Variants in HCK observed in about 807,000 individuals in gnomAD.
HCK encodes tyrosine-protein kinase HCK.
In HCK, 40 loss-of-function variants were observed where a neutral mutation model predicts 70.4. The observed-to-expected ratio is 0.57, with a 90% CI of 0.44 to 0.74. The LOEUF is 0.74. HCK is among the 30% of genes least tolerant of loss of function. The probability of loss-of-function intolerance (pLI) is 0.00; values close to 1 mark genes in which losing one functional copy is unlikely to be tolerated. For synonymous variants in HCK, 245 were observed against 263.2 expected (o/e 0.93, Z 0.67); for missense variants, 568 against 697.2 (o/e 0.81, Z 2.09).
chr20:32,055,395 G>A (rs1342521103), intron 1 of HCK, among the ~76,000 whole-genome samples: 1 of 152,136 alleles, frequency 6.6e-6, no homozygotes, highest in Non-Finnish European at 1.5e-5. Flanking sequence ...CCTTTTGAGG[G>A]AACAATAACC....
Position 32,094,379 on chromosome 20 carries a change from T to C in HCK, c.1246+363T>C, listed in dbSNP as rs560560151. On this transcript the variant is annotated intron_variant, in intron 11 of 12. Coordinates refer to ENST00000375852, the MANE Select transcript of HCK (RefSeq NM_002110.5). The stretch of plus-strand genomic sequence containing the variant: ...ATTCACACAATATAATACCACGCAG[T>C]GATGAAAAAGCACAAACTGGCCAGG... Among the ~76,000 whole-genome samples the C allele has an allele frequency of 3.9e-5, 6 of 152,042 alleles. No homozygotes were observed. In the South Asian group the frequency reaches 1.2e-3, roughly 32 times the overall value.
chr20:32,068,318 T>C (rs1349056342), intron 1 of HCK, among the ~76,000 whole-genome samples: 1 of 135,376 alleles, frequency 7.4e-6, no homozygotes, highest in Non-Finnish European at 1.6e-5. Context: ...AATAAGTAAA[T>C]GAAAATTAAA....
chr20:32,057,430 T>C (rs2045289402), intron 1 of HCK, among the ~76,000 whole-genome samples: 1 of 152,136 alleles, frequency 6.6e-6, no homozygotes, highest in African/African-American at 2.4e-5. Flanking sequence ...CAAAACCCTG[T>C]CTCTACAAAA....
chr20:32,079,720 C>A, intron 5 of HCK, 54 bp from the exon 6 acceptor site: 2 of 1,239,378 alleles, frequency 1.6e-6, no homozygotes, highest in Non-Finnish European at 1.2e-6. Context: ...CTGTGTAGGC[C>A]GGACAGGACT....
At chr20:32,063,547 T>C (rs1038480011) in intron 1 of HCK, among the ~76,000 whole-genome samples, 6 of 151,858 alleles carry the variant, frequency 4.0e-5, no homozygotes, top group Admixed American at 3.3e-4. Context: ...CTGCACCCAG[T>C]CTCTATAACC....
At chr20:32,094,717 GAAAGAAAGA>G in intron 11 of HCK, among the ~76,000 whole-genome samples, 1 of 76,684 alleles carries the variant, frequency 1.3e-5, no homozygotes, top group African/African-American at 4.2e-5. Flanking sequence ...AAGAAAGAAA[GAAAGAAAGA>G]AAGAAAGAAA....
chr20:32,072,534 C>G (rs1218611932), intron 2 of HCK: 1 of 136,544 alleles, frequency 7.3e-6, no homozygotes, highest in Non-Finnish European at 1.5e-5. Context: ...GCACTCCAGC[C>G]TGGGCAATAC....
Position 32,101,341 on chromosome 20 carries a change from G to T in HCK, c.1403G>T (p.Arg468Leu). ...GGGATGTCAAACCCTGAAGTGATCC[G>T]AGCTCTGGAGCGTGGATACCGGATG... is the stretch of plus-strand genomic sequence containing the variant. Residue 468 changes from arginine (R) to leucine (L), a missense_variant, in exon 13 of 13, where the codon CGA becomes CTA. Coordinates refer to ENST00000375852, the MANE Select transcript of HCK (RefSeq NM_002110.5). 6.2e-7 allele frequency: 1 copy of T among 1,614,144 alleles called. No individual in the cohort carries two copies. Among genetic ancestry groups the T allele is most frequent in the Non-Finnish European group, 8.5e-7 (1 of 1,180,016 alleles).
chr20:32,062,391 T>G (rs2045393152), intron 1 of HCK, among the ~76,000 whole-genome samples: 1 of 152,226 alleles, frequency 6.6e-6, no homozygotes, highest in African/African-American at 2.4e-5. Context: ...AGGTTCACAG[T>G]TGCTCTGGAA....
intron 12 of HCK, 47 bp downstream of exon 12, chr20:32,099,182 G>A (rs1444761501): frequency 1.3e-6 from 2 of 1,592,506 alleles, no homozygotes; most frequent in South Asian, 2.2e-5. Context: ...GCCCAGTCTG[G>A]CAATGGGCTC....
In HCK at chr20:32,088,592, G is replaced by C; in HGVS notation, c.1040G>C (p.Ser347Thr). ...GGAAGCTTGCTGGACTTTCTGAAAA[G>C]TGATGAGGGCAGCAAGCAGCCATTG... The change falls in exon 10 of 13, where the codon AGT becomes ACT. Residue 347 changes from serine (S) to threonine (T), a missense_variant. Ser to Thr is a moderately conservative substitution (Grantham distance 58). Transcript: ENST00000375852. 6.2e-7 allele frequency: 1 copy of C among 1,613,876 alleles called. No homozygotes were observed. Among genetic ancestry groups the C allele is most frequent in the East Asian group, 2.2e-5 (1 of 44,848 alleles).
chr20:32,078,149 C>T (rs1317103875), intron 5 of HCK, among the ~76,000 whole-genome samples: 2 of 151,948 alleles, frequency 1.3e-5, no homozygotes, highest in Non-Finnish European at 2.9e-5. Context: ...ATTCTCCTGC[C>T]TCAGCCTCCC....
chr20:32,094,705 A>AAAAGAAAAGAAAG (rs1555877762), intron 11 of HCK, among the ~76,000 whole-genome samples: 4 of 74,888 alleles, frequency 5.3e-5, no homozygotes, highest in Non-Finnish European at 9.2e-5. Flanking sequence ...AAAAGAAAAG[A>AAAAGAAAAGAAAG]AAAGAAAGAA....
chr20:32,098,945 C>A, intron 11 of HCK, 59 bp from the exon 12 acceptor site: 2 of 1,579,734 alleles, frequency 1.3e-6, no homozygotes, highest in Non-Finnish European at 1.7e-6. Context: ...CCCACCTTAG[C>A]AGAGCCAACC....
intron 1 of HCK, among the ~76,000 whole-genome samples, chr20:32,061,273 C>T (rs148520337): frequency 7.2e-5 from 11 of 152,328 alleles, no homozygotes; most frequent in Admixed American, 2.0e-4. Context: ...TGAGCCACTG[C>T]GCCCAGCTGC....
At chr20:32,053,512 C>A (rs1484613920) in intron 1 of HCK, among the ~76,000 whole-genome samples, 1 of 151,764 alleles carries the variant, frequency 6.6e-6, no homozygotes, top group African/African-American at 2.4e-5. Context: ...GTAGCACACA[C>A]CTTTAATCCC....
Position 32,052,499 on chromosome 20 carries a change from C to G in HCK, c.62+13C>G. ...AGCGGGCGCCCAGGTGAGTGCCGCGCACAGGGGACCGGGAATACCCGGCCC... is the reference window on the plus strand; with the variant it reads ...AGCGGGCGCCCAGGTGAGTGCCGCGGACAGGGGACCGGGAATACCCGGCCC... On this transcript the variant is annotated intron_variant, in intron 1 of 12. Coordinates refer to ENST00000375852, the MANE Select transcript of HCK (RefSeq NM_002110.5). 2 of 1,264,074 alleles carry G rather than the reference C, an allele frequency of 1.6e-6. No homozygotes were observed. Among genetic ancestry groups the G allele is most frequent in the Non-Finnish European group, 2.0e-6 (2 of 996,620 alleles). The allele number at this position is 1,264,074 out of a possible 1,614,324, so 78.3% of individuals were successfully genotyped here. A position where few individuals can be genotyped will look rare whatever the true frequency, so the allele number is the denominator to read the frequency against.
intron 1 of HCK, among the ~76,000 whole-genome samples, chr20:32,057,623 T>G (rs1365055972): frequency 6.6e-6 from 1 of 152,146 alleles, no homozygotes; most frequent in African/African-American, 2.4e-5. Flanking sequence ...AAAAGGAATG[T>G]GAAGCCTAGA....
chr20:32,098,855 C>A, intron 11 of HCK, 149 bp from the exon 12 acceptor site: 1 of 793,624 alleles, frequency 1.3e-6, no homozygotes, highest in Non-Finnish European at 2.0e-6. Flanking sequence ...ATGTCCCTTG[C>A]TTCCACAGGG....
Sources: allele counts gnomAD v4.1 joint callset (sites outside exome capture counted in the v4.1 genomes callset), GRCh38; gene constraint gnomAD v4.1.1; transcripts MANE v1.5; gene names NCBI Gene and HGNC (gene_info 2026-07-23, HGNC 2026-07-21).